Variants in FHIT observed in about 807,000 individuals in gnomAD.
The protein encoded by FHIT is fragile histidine triad diadenosine triphosphatase, also known as bis(5'-adenosyl)-triphosphatase.
Under a neutral mutation model 17.9 loss-of-function variants are expected in FHIT, and 19 were observed. The observed-to-expected ratio is 1.06, with a 90% CI of 0.74 to 1.56. The LOEUF (loss-of-function observed/expected upper bound fraction) is 1.56, where lower values mean the gene tolerates loss of function less well. FHIT is among the 40% of genes most tolerant of loss of function. The pLI, the probability that FHIT is intolerant of heterozygous loss-of-function variation, is 0.00. For missense variants in FHIT, 248 were observed against 189.2 expected (o/e 1.31, Z -1.82); for synonymous variants, 81 against 69.7 (o/e 1.16, Z -0.81).
rs139887627 is a variant in FHIT, at chr3:60,623,086, A to C, written c.-17-86107T>G. Among the ~76,000 whole-genome samples, 1,169 of 152,320 alleles carry C rather than the reference A, an allele frequency of 7.7e-3. 3 individuals carry two copies. Among genetic ancestry groups the C allele is most frequent in the Non-Finnish European group, 0.013 (861 of 68,028 alleles). ...GTGAGATTTTTGCCTGTCTTGTTCA[A>C]GACCATACCTACAGTGCCTAGTGCG... is the stretch of plus-strand genomic sequence containing the variant. On this transcript the variant is annotated intron_variant, in intron 4 of 9. Coordinates refer to ENST00000492590, the MANE Select transcript of FHIT (RefSeq NM_002012.4).
intron 5 of FHIT, among the ~76,000 whole-genome samples, chr3:60,024,287 C>G (rs1411810506): frequency 6.6e-6 from 1 of 152,172 alleles, no homozygotes; most frequent in Non-Finnish European, 1.5e-5. Context: ...ATTTGGCATT[C>G]TCACAGAATA....
At chr3:60,801,480 C>T (rs1280126673) in intron 4 of FHIT, among the ~76,000 whole-genome samples, 1 of 152,196 alleles carries the variant, frequency 6.6e-6, no homozygotes, top group South Asian at 2.1e-4. Context: ...ACCTGTCCTA[C>T]TGCTATGCAT....
At chr3:60,247,167 A>C (rs1324670824) in intron 5 of FHIT, among the ~76,000 whole-genome samples, 1 of 151,826 alleles carries the variant, frequency 6.6e-6, no homozygotes, top group Middle Eastern at 3.2e-3. Flanking sequence ...ATTCGGGATG[A>C]CTCTGTACCT....
chr3:60,583,236 T>C (rs1400133602), intron 4 of FHIT, among the ~76,000 whole-genome samples: 10 of 152,048 alleles, frequency 6.6e-5, no homozygotes, highest in Non-Finnish European at 7.4e-5. Flanking sequence ...TCATTTCTTA[T>C]GCAAACCCTT....
rs921771975 is a variant in FHIT, at chr3:60,565,556, T to C, written c.-17-28577A>G. On this transcript the variant is annotated intron_variant, in intron 4 of 9. Transcript: ENST00000492590. ...TTCATTTACAAAAAAGGGAAATTAG[T>C]TACACAACAAAATGAATACTCAGAA... 5.9e-5 allele frequency among the ~76,000 whole-genome samples: 9 copies of C among 152,334 alleles called. 1 individual carries two copies. The Middle Eastern group carries it at 0.01, about 174-fold the overall frequency.
intron 5 of FHIT, among the ~76,000 whole-genome samples, chr3:60,167,625 G>C (rs1054091149): frequency 2.0e-5 from 3 of 152,240 alleles, no homozygotes; most frequent in African/African-American, 7.2e-5. Context: ...ATCTGTGAAT[G>C]AACTGCACAG....
intron 3 of FHIT, among the ~76,000 whole-genome samples, chr3:60,893,975 G>A (rs1553761317): frequency 6.6e-6 from 1 of 152,170 alleles, no homozygotes; most frequent in Admixed American, 6.5e-5. Context: ...AATGGGAAAG[G>A]TTCACTGTTG....
chr3:61,064,459 T>C (rs2034534012), intron 2 of FHIT, among the ~76,000 whole-genome samples: 3 of 152,172 alleles, frequency 2.0e-5, no homozygotes, highest in Admixed American at 1.3e-4. Context: ...GACTACTTAA[T>C]TTGAGGTTTC....
chr3:60,498,359 G>T (rs72882138), intron 5 of FHIT, among the ~76,000 whole-genome samples: 2 of 151,980 alleles, frequency 1.3e-5, no homozygotes, highest in South Asian at 2.1e-4. Flanking sequence ...CTTCTTTCTG[G>T]AAGTATGTTA....
intron 5 of FHIT, among the ~76,000 whole-genome samples, chr3:60,332,733 G>A (rs1710047636): frequency 6.6e-6 from 1 of 152,228 alleles, no homozygotes; most frequent in South Asian, 2.1e-4. Flanking sequence ...CTACTCTTCT[G>A]AGCCATCCCT....
At chr3:60,474,304 GA>G (rs2107456476) in intron 5 of FHIT, among the ~76,000 whole-genome samples, 1 of 152,178 alleles carries the variant, frequency 6.6e-6, no homozygotes, top group African/African-American at 2.4e-5. Flanking sequence ...ACATTAACTT[GA>G]AAAATTCAGA....
chr3:60,140,420 G>A (rs1699990556), intron 5 of FHIT, among the ~76,000 whole-genome samples: 1 of 152,008 alleles, frequency 6.6e-6, no homozygotes, highest in African/African-American at 2.4e-5. Flanking sequence ...TGAGCAACTT[G>A]GCAGTGAGGG....
intron 5 of FHIT, among the ~76,000 whole-genome samples, chr3:60,359,390 C>T (rs1220665001): frequency 1.0e-4 from 15 of 148,912 alleles, no homozygotes; most frequent in African/African-American, 3.2e-4. Flanking sequence ...AAGCGATTCT[C>T]CTGCCTCAGC....
intron 7 of FHIT, among the ~76,000 whole-genome samples, chr3:59,981,642 C>A (rs1044703998): frequency 3.9e-5 from 6 of 152,098 alleles, no homozygotes; most frequent in African/African-American, 1.4e-4. Context: ...TACCACGGTG[C>A]CCGCACATTA....
intron 5 of FHIT, among the ~76,000 whole-genome samples, chr3:60,195,561 T>TATTTATATATATATA (rs61215575): frequency 9.4e-5 from 2 of 21,194 alleles, no homozygotes; most frequent in Admixed American, 4.6e-4. Flanking sequence ...ATATATATAT[T>TATTTATATATATATA]TATATTTATA....
At chr3:60,807,704 C>T (rs1264075536) in intron 4 of FHIT, among the ~76,000 whole-genome samples, 3 of 152,150 alleles carry the variant, frequency 2.0e-5, no homozygotes, top group Non-Finnish European at 4.4e-5. Context: ...CGATTGTCAC[C>T]ACCCTGTTTG....
chr3:61,232,051 A>G (rs904069265), intron 1 of FHIT, among the ~76,000 whole-genome samples: 1 of 152,236 alleles, frequency 6.6e-6, no homozygotes. Context: ...TGCCTTTAAC[A>G]AATAAGGCAA....
At chr3:61,159,628 T>C (rs1208892604) in intron 2 of FHIT, among the ~76,000 whole-genome samples, 2 of 152,234 alleles carry the variant, frequency 1.3e-5, no homozygotes, top group African/African-American at 4.8e-5. Flanking sequence ...TTATTAAATG[T>C]TTACTTTGCT....
rs138800491 is a variant in FHIT, at chr3:61,127,232, T to G, written c.-164+73385A>C. ...ATCCAAGTGACAGGTGACAGTAGCTTGGGCCCAAGCCATAGTGGTGGAGGT... is the reference window on the plus strand; with the variant it reads ...ATCCAAGTGACAGGTGACAGTAGCTGGGGCCCAAGCCATAGTGGTGGAGGT... On this transcript the variant is annotated intron_variant, in intron 2 of 9. Transcript: ENST00000492590. Among the ~76,000 whole-genome samples the G allele has an allele frequency of 2.6e-3, 398 of 152,240 alleles. 1 individual carries two copies. The highest frequency in any genetic ancestry group is 0.014 in the Middle Eastern group (4 of 294).
Sources: allele counts gnomAD v4.1 joint callset (sites outside exome capture counted in the v4.1 genomes callset), GRCh38; gene constraint gnomAD v4.1.1; transcripts MANE v1.5; gene names NCBI Gene and HGNC (gene_info 2026-07-23, HGNC 2026-07-21).